The following PRR13 variants were observed in gnomAD, a reference collection of about 807,000 sequenced individuals.
PRR13 encodes the protein proline rich 13.
A neutral mutation model predicts 11.5 loss-of-function variants in PRR13; 7 were observed. The ratio of observed to expected loss-of-function variants is 0.61; its 90% CI spans 0.34 to 1.14. The LOEUF (loss-of-function observed/expected upper bound fraction) is 1.14, where lower values mean the gene tolerates loss of function less well. Ranked by LOEUF, PRR13 falls within the 50% of genes most tolerant of loss-of-function variation. The probability of loss-of-function intolerance (pLI) is 0.03; values close to 1 mark genes in which losing one functional copy is unlikely to be tolerated. For synonymous variants in PRR13, 53 were observed against 67.8 expected (o/e 0.78, Z 1.07); for missense variants, 155 against 194.4 (o/e 0.80, Z 1.21).
chr12:53,443,812 C>T, intron 3 of PRR13, 39 bp downstream of exon 3: 1 of 1,556,804 alleles, frequency 6.4e-7, no homozygotes, highest in Non-Finnish European at 8.7e-7. Flanking sequence ...AAGGAGTCCC[C>T]CCTCAGAGGG....
chr12:53,445,965 C>G, intron 3 of PRR13, 50 bp from the exon 4 acceptor site: 1 of 1,613,310 alleles, frequency 6.2e-7, no homozygotes, highest in Non-Finnish European at 8.5e-7. Context: ...GATGAAAGGT[C>G]ATTTGGATCT....
Position 53,446,031 on chromosome 12 carries a change from C to T in PRR13, c.419C>T (p.Ser140Phe), listed in dbSNP as rs1940393330. The T allele has an allele frequency of 1.2e-6, 2 of 1,611,504 alleles. No homozygotes were observed. The highest frequency in any genetic ancestry group is 1.3e-5 in the African/African-American group (1 of 74,086). The change falls in exon 4 of 4, where the codon TCC (serine) becomes TTC (phenylalanine). Residue 140 changes from serine to phenylalanine, a missense_variant. By Grantham distance (155) the Ser-to-Phe change is radical. Coordinates refer to ENST00000429243, the MANE Select transcript of PRR13 (RefSeq NM_018457.4). ...HKHGKHSSSS[S>F]SSSSSDSD ...CCCTTGCAGCATTCCTCCTCTTCCTCCTCCTCTTCCAGCAGTGATTCTGAC... is the reference window on the plus strand; with the variant it reads ...CCCTTGCAGCATTCCTCCTCTTCCTTCTCCTCTTCCAGCAGTGATTCTGAC...
intron 3 of PRR13, 43 bp downstream of exon 3, chr12:53,443,816 CAG>C (rs765824384): frequency 9.7e-6 from 15 of 1,553,534 alleles, no homozygotes; most frequent in Middle Eastern, 1.7e-4. Flanking sequence ...AGTCCCCCCT[CAG>C]AGGGACTAGG....
chr12:53,442,862 C>A, intron 2 of PRR13, 129 bp downstream of exon 2: 1 of 770,026 alleles, frequency 1.3e-6, no homozygotes, highest in Non-Finnish European at 2.0e-6. Context: ...TAGTCTAGAG[C>A]TGACCAGTGC....
chr12:53,443,414 C>G lies in PRR13; in HGVS notation c.43C>G (p.Pro15Ala). Residue 15 changes from proline to alanine, a missense_variant, in exon 3 of 4, where the codon CCC (proline) becomes GCC (alanine). Physicochemically the swap from Pro to Ala is conservative, Grantham distance 27. Transcript: ENST00000429243. ...NAGQPGPNPYPPNIGCPGGSN... is the reference protein window; with the variant it reads ...NAGQPGPNPYAPNIGCPGGSN... ...AGGGCAGCCAGGGCCAAATCCATAT[C>G]CCCCCAATATTGGGTGCCCTGGAGG... 1 of 1,406,200 alleles carries G rather than the reference C, an allele frequency of 7.1e-7. No homozygotes were observed. The highest frequency in any genetic ancestry group is 9.3e-7 in the Non-Finnish European group (1 of 1,072,498). The allele number at this position is 1,406,200 out of a possible 1,614,324, so 87.1% of individuals were successfully genotyped here.
chr12:53,445,949 C>G, intron 3 of PRR13, 66 bp from the exon 4 acceptor site: 1 of 1,612,580 alleles, frequency 6.2e-7, no homozygotes, highest in Non-Finnish European at 8.5e-7. Flanking sequence ...GAATGGCCCA[C>G]GGAGTGATGA....
In PRR13 at chr12:53,446,197, A is replaced by T; in HGVS notation, c.*138A>T. ...CCACCTGAGCCTCACCCTGCTGTTG[A>T]GCCCTGAGTGGCTAGGGGAAATGGG... On this transcript the variant is annotated 3_prime_UTR_variant, in exon 4 of 4. Coordinates refer to ENST00000429243, the MANE Select transcript of PRR13 (RefSeq NM_018457.4). 6.9e-7 allele frequency: 1 copy of T among 1,457,912 alleles called. No individual in the cohort carries two copies. Among genetic ancestry groups the T allele is most frequent in the Non-Finnish European group, 9.2e-7 (1 of 1,091,474 alleles). 90.3% of individuals were successfully genotyped at this position (1,457,912 alleles called of 1,614,324 possible). A position where few individuals can be genotyped will look rare whatever the true frequency, so the allele number is the denominator to read the frequency against.
At chr12:53,443,229 C>T (rs1468450055) in intron 2 of PRR13, 162 bp from the exon 3 acceptor site, 3 of 707,016 alleles carry the variant, frequency 4.2e-6, no homozygotes, top group Non-Finnish European at 6.4e-6. Context: ...GACATTCCCC[C>T]TTTTCTCCCC....
At chr12:53,442,066 C>G (rs1940302355) in intron 1 of PRR13, 1 of 522,148 alleles carries the variant, frequency 1.9e-6, no homozygotes. Flanking sequence ...TAAAGGCCTC[C>G]GTACTCAGTT....
At chr12:53,442,242 C>A in intron 1 of PRR13, 1 of 207,082 alleles carries the variant, frequency 4.8e-6, no homozygotes, top group Non-Finnish European at 9.7e-6. Flanking sequence ...AGAGACATTT[C>A]TTTTCTTTTC....
chr12:53,444,071 G>A (rs985942704), intron 3 of PRR13: 8 of 458,460 alleles, frequency 1.7e-5, no homozygotes, highest in Admixed American at 1.5e-4. Flanking sequence ...CTCCCCTCCC[G>A]CCAGGTGCAT....
At position 53,443,636 on chromosome 12, in the gene PRR13, C is replaced by A; in HGVS notation, c.265C>A (p.Pro89Thr). ...PPYPPPAPGI[P>T]PVNPLAPGMV... ...ATACCCACCGCCTGCCCCTGGAATC[C>A]CTCCTGTGAATCCCTTGGCTCCTGG... Residue 89 changes from proline (P) to threonine (T), a missense_variant, in exon 3 of 4, where the codon CCT (proline) becomes ACT (threonine). Transcript: ENST00000429243. 2.5e-6 allele frequency: 4 copies of A among 1,614,140 alleles called. No homozygotes were observed. The highest frequency in any genetic ancestry group is 3.4e-6 in the Non-Finnish European group (4 of 1,180,016).
At chr12:53,445,920 G>A in intron 3 of PRR13, 95 bp from the exon 4 acceptor site, 1 of 1,580,258 alleles carries the variant, frequency 6.3e-7, no homozygotes, top group South Asian at 1.1e-5. Context: ...ATACTTGGGT[G>A]GAGGGGTGGG....
intron 1 of PRR13, chr12:53,442,485 C>T (rs181467117): frequency 2.8e-5 from 13 of 458,188 alleles, no homozygotes; most frequent in Non-Finnish European, 4.4e-5. Context: ...CCTCGTGATC[C>T]ACCCGCCTCG....
chr12:53,443,923 A>T, intron 3 of PRR13, 150 bp downstream of exon 3: 1 of 967,458 alleles, frequency 1.0e-6, no homozygotes, highest in Non-Finnish European at 1.5e-6. Context: ...TTTATAAAAG[A>T]TTGCTACTGG....
intron 2 of PRR13, 97 bp from the exon 3 acceptor site, chr12:53,443,294 C>CT: frequency 8.2e-7 from 1 of 1,225,552 alleles, no homozygotes; most frequent in Non-Finnish European, 1.1e-6. Context: ...TTCCGTTTCC[C>CT]TTTAAGTATT....
intron 1 of PRR13, chr12:53,442,388 G>T: frequency 3.5e-6 from 1 of 289,530 alleles, no homozygotes; most frequent in Admixed American, 5.1e-5. Flanking sequence ...GGGATTACAG[G>T]TGCCCGCCAC....
intron 3 of PRR13, among the ~76,000 whole-genome samples, chr12:53,444,369 G>A (rs1340344830): frequency 1.4e-5 from 2 of 145,904 alleles, no homozygotes; most frequent in East Asian, 4.1e-4. Context: ...CCGCTCTTTA[G>A]CCCAGGCCAG....
chr12:53,442,252 C>A (rs2136988847), intron 1 of PRR13: 2 of 216,078 alleles, frequency 9.3e-6, no homozygotes, highest in East Asian at 2.5e-4. Context: ...CTTTTCTTTT[C>A]TTTTCTTTTT....
Sources: gnomAD v4.1 joint callset for allele counts (sites outside exome capture counted in the v4.1 genomes callset) on GRCh38, gnomAD v4.1.1 for gene constraint, MANE v1.5 for transcripts, NCBI Gene and HGNC (gene_info 2026-07-23, HGNC 2026-07-21) for gene names.